GRIN2A: variants seen among roughly 807,000 people sequenced by gnomAD.
GRIN2A encodes glutamate ionotropic receptor NMDA type subunit 2A.
GRIN2A carries 22 observed loss-of-function variants against 113.4 expected under a neutral mutation model. The ratio of observed to expected loss-of-function variants is 0.19; its 90% CI spans 0.14 to 0.28. The LOEUF is 0.28. GRIN2A is among the 10% of genes least tolerant of loss of function. GRIN2A has a pLI of 1.00. For missense variants in GRIN2A, 1,502 were observed against 1,887.0 expected (o/e 0.80, Z 3.78); for synonymous variants, 827 against 738.4 (o/e 1.12, Z -1.94).
At chr16:9,992,289 A>G (rs989114875) in intron 2 of GRIN2A, among the ~76,000 whole-genome samples, 1 of 152,144 alleles carries the variant, frequency 6.6e-6, no homozygotes, top group African/African-American at 2.4e-5. Context: ...TAGTTTATAG[A>G]GGAAGCTGGA....
intron 10 of GRIN2A, among the ~76,000 whole-genome samples, chr16:9,801,711 G>T (rs557416233): frequency 1.3e-5 from 2 of 152,358 alleles, no homozygotes; most frequent in South Asian, 4.1e-4. Flanking sequence ...TGCAAAAGAT[G>T]TGGTTGACTC....
chr16:10,098,531 A>T (rs116406752), intron 2 of GRIN2A, among the ~76,000 whole-genome samples: 28,887 of 152,036 alleles, frequency 0.19, 3,146 homozygotes, highest in African/African-American at 0.3. Context: ...CAATTCACAA[A>T]TGCAAAAATA....
chr16:9,914,094 G>GT (rs2044195654), intron 3 of GRIN2A, among the ~76,000 whole-genome samples: 2 of 148,914 alleles, frequency 1.3e-5, no homozygotes. Context: ...ATCATTCTTG[G>GT]TTAAAAAAAA....
At chr16:10,086,605 C>CA (rs3033377) in intron 2 of GRIN2A, among the ~76,000 whole-genome samples, 8,849 of 98,896 alleles carry the variant, frequency 0.089, 402 homozygotes, top group Non-Finnish European at 0.13. Flanking sequence ...GGAGCAGCTC[C>CA]AAAAAAAAAA....
At chr16:10,103,577 T>C (rs1303687544) in intron 2 of GRIN2A, among the ~76,000 whole-genome samples, 5 of 152,220 alleles carry the variant, frequency 3.3e-5, no homozygotes, top group Non-Finnish European at 7.3e-5. Flanking sequence ...TTTAGGCAGC[T>C]GAAGCAATAC....
chr16:9,990,715 A>T (rs924464795), intron 2 of GRIN2A, among the ~76,000 whole-genome samples: 53 of 152,032 alleles, frequency 3.5e-4, no homozygotes, highest in Non-Finnish European at 1.3e-4. Flanking sequence ...GAGCAGGAGA[A>T]ATTTCGCCTA....
intron 2 of GRIN2A, among the ~76,000 whole-genome samples, chr16:10,059,906 A>T (rs200792270): frequency 6.6e-6 from 1 of 152,184 alleles, no homozygotes; most frequent in East Asian, 1.9e-4. Flanking sequence ...TTGGTTACAT[A>T]GGAGCCACTG....
rs771068226 is a variant in GRIN2A at position 10,180,118 on chromosome 16, G to C, written c.294C>G (p.Leu98=). The C allele has an allele frequency of 3.3e-5, 54 of 1,614,096 alleles. 2 individuals carry two copies. Among genetic ancestry groups the C allele is most frequent in the South Asian group, 3.2e-4 (29 of 91,092 alleles). The stretch of plus-strand genomic sequence containing the variant: ...CCTGGTCCGTGTCGTCCCCAAACAC[G>C]AGGCCGTGGATGCGTGCCCCGGACA... ...DLMSGARIHG[L]VFGDDTDQEA... Residue 98 remains leucine (L), a synonymous_variant, in exon 2 of 13, where the codon CTC becomes CTG. Coordinates refer to ENST00000330684, the MANE Select transcript of GRIN2A (RefSeq NM_001134407.3). This position sits in a 1 kb window ranked among gnomAD's most constrained non-coding sequence, Gnocchi z 7.0.
intron 2 of GRIN2A, among the ~76,000 whole-genome samples, chr16:10,036,630 T>G (rs1244616399): frequency 1.3e-5 from 2 of 151,418 alleles, no homozygotes; most frequent in East Asian, 3.9e-4. Flanking sequence ...GTATTTTTAG[T>G]AGAGATGGCG....
At chr16:10,080,547 A>T in intron 2 of GRIN2A, among the ~76,000 whole-genome samples, 1 of 152,210 alleles carries the variant, frequency 6.6e-6, no homozygotes, top group East Asian at 1.9e-4. Flanking sequence ...CTATTCTTGG[A>T]AGCCGAGCAA....
At chr16:9,856,944 T>C (rs962508088) in intron 4 of GRIN2A, among the ~76,000 whole-genome samples, 2 of 152,170 alleles carry the variant, frequency 1.3e-5, no homozygotes, top group African/African-American at 4.8e-5. Context: ...GTCAGCTCAA[T>C]GGTCAAAGCC....
Position 9,787,547 on chromosome 16 carries a change from A to G in GRIN2A, c.2356+10730T>C, listed in dbSNP as rs562703840. Among the ~76,000 whole-genome samples, 9 of 152,304 alleles carry G rather than the reference A, an allele frequency of 5.9e-5. No homozygotes were observed. The East Asian group carries it at 1.7e-3, about 29-fold the overall frequency. ...ACCTTGGGCACATGTTCTTGTTCTC[A>G]GGACCTCCTGGGGGGCTGTGTCCTG... On this transcript the variant is annotated intron_variant, in intron 11 of 12. Coordinates refer to ENST00000330684, the MANE Select transcript of GRIN2A (RefSeq NM_001134407.3).
intron 2 of GRIN2A, among the ~76,000 whole-genome samples, chr16:10,159,803 C>T (rs770314578): frequency 6.6e-5 from 10 of 152,174 alleles, no homozygotes; most frequent in East Asian, 1.9e-4. Context: ...CATCCCAGAT[C>T]GCCTAACTCA....
intron 2 of GRIN2A, among the ~76,000 whole-genome samples, chr16:10,029,489 A>G (rs968629716): frequency 7.9e-5 from 12 of 152,208 alleles, no homozygotes; most frequent in African/African-American, 1.2e-4. Context: ...GGCTGCAGTC[A>G]CGTAGACTCA....
chr16:9,892,710 T>G (rs954855395), intron 3 of GRIN2A, among the ~76,000 whole-genome samples: 1 of 152,148 alleles, frequency 6.6e-6, no homozygotes, highest in African/African-American at 2.4e-5. Context: ...AAGGCAGACT[T>G]CATCTCCCAG....
intron 2 of GRIN2A, among the ~76,000 whole-genome samples, chr16:10,155,828 T>C (rs1377325398): frequency 1.3e-5 from 2 of 152,148 alleles, no homozygotes; most frequent in African/African-American, 4.8e-5. Context: ...TTATTCACTA[T>C]CACGAAAACA....
intron 2 of GRIN2A, among the ~76,000 whole-genome samples, chr16:9,943,747 C>T (rs766655224): frequency 4.6e-5 from 7 of 152,154 alleles, no homozygotes; most frequent in Admixed American, 2.6e-4. Flanking sequence ...TCCAGTTTTC[C>T]CTTGCTCACA....
intron 2 of GRIN2A, among the ~76,000 whole-genome samples, chr16:9,966,426 A>G (rs2045557631): frequency 6.6e-6 from 1 of 152,170 alleles, no homozygotes; most frequent in Non-Finnish European, 1.5e-5. Flanking sequence ...AGCTCCATCC[A>G]TGTCCCTGCA....
At chr16:10,044,048 C>CAG (rs2047218291) in intron 2 of GRIN2A, among the ~76,000 whole-genome samples, 1 of 126,980 alleles carries the variant, frequency 7.9e-6, no homozygotes, top group Non-Finnish European at 1.6e-5. Flanking sequence ...GAGAGAGAGA[C>CAG]AGAGACAGAG....
Sources: allele counts gnomAD v4.1 joint callset (sites outside exome capture counted in the v4.1 genomes callset), GRCh38; gene constraint gnomAD v4.1.1; non-coding constraint Gnocchi (gnomAD v3.1); transcripts MANE v1.5; gene names NCBI Gene and HGNC (gene_info 2026-07-23, HGNC 2026-07-21).